The following ZBTB20 variants were observed in gnomAD, a reference collection of about 807,000 sequenced individuals.
ZBTB20 encodes the protein zinc finger and BTB domain containing 20, also known as zinc finger and BTB domain-containing protein 20.
A neutral mutation model predicts 56.9 loss-of-function variants in ZBTB20; 9 were observed. That is an observed-to-expected ratio of 0.16 (90% CI 0.10 to 0.28). The LOEUF is 0.28. Among genes scored for constraint, ZBTB20 ranks in the 10% least tolerant of loss-of-function variants. ZBTB20 has a pLI of 1.00. For synonymous variants in ZBTB20, 417 were observed against 420.7 expected (o/e 0.99, Z 0.11); for missense variants, 655 against 1,003.0 (o/e 0.65, Z 4.69).
intron 4 of ZBTB20, among the ~76,000 whole-genome samples, chr3:114,845,301 A>T (rs6798032): frequency 0.61 from 90,057 of 147,278 alleles, 29,724 homozygotes; most frequent in East Asian, 0.8. Flanking sequence ...CACAGAAAAT[A>T]AAATAGCCTC....
At chr3:114,513,013 A>G (rs2045582077) in intron 6 of ZBTB20, among the ~76,000 whole-genome samples, 1 of 152,134 alleles carries the variant, frequency 6.6e-6, no homozygotes, top group South Asian at 2.1e-4. Context: ...CCTCTCCACT[A>G]TATTTTGGTA....
chr3:114,626,812 C>T (rs906525289), intron 6 of ZBTB20, among the ~76,000 whole-genome samples: 1 of 152,136 alleles, frequency 6.6e-6, no homozygotes, highest in African/African-American at 2.4e-5. Flanking sequence ...ATGATGAGGG[C>T]TTTTTACCAA....
intron 3 of ZBTB20, among the ~76,000 whole-genome samples, chr3:114,925,478 T>A (rs946868828): frequency 6.6e-6 from 1 of 152,192 alleles, no homozygotes; most frequent in Non-Finnish European, 1.5e-5. Flanking sequence ...AGGGTAACAT[T>A]TTACTGGGTT....
intron 5 of ZBTB20, among the ~76,000 whole-genome samples, chr3:114,736,830 C>G (rs560229306): frequency 2.6e-5 from 4 of 152,196 alleles, no homozygotes; most frequent in Middle Eastern, 3.4e-3. Context: ...TTATGAACAG[C>G]CTCTGAAGAC....
chr3:114,478,883 CT>C (rs1468689963), intron 7 of ZBTB20, among the ~76,000 whole-genome samples: 4 of 152,166 alleles, frequency 2.6e-5, no homozygotes, highest in Non-Finnish European at 4.4e-5. Context: ...GTGCAACATA[CT>C]TTAGACCAAG....
intron 4 of ZBTB20, among the ~76,000 whole-genome samples, chr3:114,880,218 G>C (rs1008415501): frequency 1.3e-5 from 2 of 152,236 alleles, no homozygotes; most frequent in African/African-American, 4.8e-5. Context: ...AAAGCAAACA[G>C]AGACATCTCA....
At chr3:114,671,863 T>C (rs983864095) in intron 6 of ZBTB20, among the ~76,000 whole-genome samples, 3 of 152,162 alleles carry the variant, frequency 2.0e-5, no homozygotes, top group Non-Finnish European at 1.5e-5. Context: ...CAGTAGTACC[T>C]ACTGAAAACT....
chr3:114,362,989 G>C (rs2082043007), intron 10 of ZBTB20, among the ~76,000 whole-genome samples: 1 of 152,094 alleles, frequency 6.6e-6, no homozygotes, highest in Non-Finnish European at 1.5e-5. Flanking sequence ...TGGCCACTGG[G>C]TGTCCTCATT....
chr3:114,674,344 G>A (rs937712670), intron 6 of ZBTB20, among the ~76,000 whole-genome samples: 3 of 152,138 alleles, frequency 2.0e-5, no homozygotes, highest in Non-Finnish European at 4.4e-5. Context: ...AACAGGCTTT[G>A]GGGTCTTGGA....
chr3:114,519,280 G>A (rs1014409284), intron 6 of ZBTB20: 1 of 152,086 alleles, frequency 6.6e-6, no homozygotes, highest in Non-Finnish European at 1.5e-5. Flanking sequence ...GCTTACCTAA[G>A]CATATATACT....
chr3:114,717,877 C>T lies in ZBTB20; in HGVS notation c.-342-24302G>A, dbSNP rs114646187. ...TAACCGCTTCTTTTCCTCCTCGAAA[C>T]TGTAATATCTTTTGGGATACCCCTC... On this transcript the variant is annotated intron_variant, in intron 5 of 11. Coordinates refer to ENST00000675478, the MANE Select transcript of ZBTB20 (RefSeq NM_001348800.3). Among the ~76,000 whole-genome samples, 794 of 152,226 alleles carry T rather than the reference C, an allele frequency of 5.2e-3. 6 individuals carry two copies. Among genetic ancestry groups the T allele is most frequent in the African/African-American group, 0.018 (754 of 41,568 alleles).
chr3:114,740,288 C>A (rs2066478353), intron 5 of ZBTB20, among the ~76,000 whole-genome samples: 1 of 152,072 alleles, frequency 6.6e-6, no homozygotes, highest in Non-Finnish European at 1.5e-5. Flanking sequence ...GGATCTCATT[C>A]ATAATAATGA....
chr3:114,601,920 A>G (rs1381347215), intron 6 of ZBTB20, among the ~76,000 whole-genome samples: 3 of 152,022 alleles, frequency 2.0e-5, no homozygotes, highest in African/African-American at 7.2e-5. Context: ...CTCTGTCAAT[A>G]ATCTAGGTTT....
chr3:114,370,340 C>T (rs1164806470), intron 10 of ZBTB20, among the ~76,000 whole-genome samples: 1 of 152,144 alleles, frequency 6.6e-6, no homozygotes, highest in African/African-American at 2.4e-5. Context: ...TATGTTTGCT[C>T]CTGAACCCCT....
intron 7 of ZBTB20, among the ~76,000 whole-genome samples, chr3:114,395,685 T>C (rs1372751034): frequency 1.3e-5 from 2 of 152,168 alleles, no homozygotes; most frequent in Admixed American, 1.3e-4. Context: ...AGCTTACTGA[T>C]GCTGTGATAA....
chr3:114,732,195 G>T (rs192319737), intron 5 of ZBTB20, among the ~76,000 whole-genome samples: 1 of 152,250 alleles, frequency 6.6e-6, no homozygotes, highest in East Asian at 1.9e-4. Context: ...TAAATCAGAA[G>T]ATTTCCACAT....
At position 114,318,001 on chromosome 3, in the gene ZBTB20, T is replaced by C. The variant is rs1356949950; in HGVS notation, c.*21004A>G. On this transcript the variant is annotated 3_prime_UTR_variant, in exon 12 of 12. Coordinates refer to ENST00000675478, the MANE Select transcript of ZBTB20 (RefSeq NM_001348800.3). ...CTTTAGAGTCCAGAAAGGAATTTGT[T>C]TGTCTTGGTCTGGAAAGTGCCCCAG... 6.6e-6 allele frequency: 1 copy of C among 152,208 alleles called. No homozygotes were observed. The highest frequency in any genetic ancestry group is 1.5e-5 in the Non-Finnish European group (1 of 68,046). 9.4% of individuals were successfully genotyped at this position (152,208 alleles called of 1,614,324 possible). A position where few individuals can be genotyped will look rare whatever the true frequency, so the allele number is the denominator to read the frequency against.
chr3:114,563,470 G>A (rs779998895), intron 6 of ZBTB20, among the ~76,000 whole-genome samples: 2 of 151,892 alleles, frequency 1.3e-5, no homozygotes, highest in Non-Finnish European at 2.9e-5. Flanking sequence ...GATAACACTG[G>A]GTATATTAAA....
chr3:114,562,385 G>A (rs1430477162), intron 6 of ZBTB20, among the ~76,000 whole-genome samples: 2 of 151,964 alleles, frequency 1.3e-5, no homozygotes, highest in African/African-American at 4.8e-5. Flanking sequence ...GGATGGTCTC[G>A]ATCTCTTGAC....
Sources: gnomAD v4.1 joint callset for allele counts (sites outside exome capture counted in the v4.1 genomes callset) on GRCh38, gnomAD v4.1.1 for gene constraint, MANE v1.5 for transcripts, NCBI Gene and HGNC (gene_info 2026-07-23, HGNC 2026-07-21) for gene names.